The following UBAP2 variants were observed in gnomAD, a reference collection of about 807,000 sequenced individuals.
UBAP2 encodes ubiquitin associated protein 2, also known as ubiquitin-associated protein 2.
A neutral mutation model predicts 139.6 loss-of-function variants in UBAP2; 75 were observed. That is an observed-to-expected ratio of 0.54 (90% confidence interval 0.45 to 0.65). The LOEUF (loss-of-function observed/expected upper bound fraction) is 0.65. UBAP2 is among the 30% of genes least tolerant of loss of function. The pLI, the probability that UBAP2 is intolerant of heterozygous loss-of-function variation, is 0.00. For synonymous variants in UBAP2, 526 were observed against 526.2 expected (o/e 1.00, Z 0.01); for missense variants, 1,368 against 1,369.6 (o/e 1.00, Z 0.02).
At chr9:33,963,578 T>G (rs1827232488) in intron 9 of UBAP2, 148 bp downstream of exon 9, 1 of 516,568 alleles carries the variant, frequency 1.9e-6, no homozygotes, top group Non-Finnish European at 3.4e-6. Flanking sequence ...ATTAGCAAAC[T>G]GCAAATCTGA....
Position 34,017,197 on chromosome 9 carries a change from A to C in UBAP2, c.-41-8T>G. Reference sequence around the variant, plus strand: ...ATGTACAAAATAGAAAATCTGCAAGAAAGTAGGGATGGTAAGCAAAACAAT... The same window carrying C: ...ATGTACAAAATAGAAAATCTGCAAGCAAGTAGGGATGGTAAGCAAAACAAT... On this transcript the variant is annotated splice_polypyrimidine_tract_variant and splice_region_variant and intron_variant, in intron 1 of 28. Coordinates refer to ENST00000379238, the MANE Select transcript of UBAP2 (RefSeq NM_001370062.2). The C allele has an allele frequency of 7.4e-7, 1 of 1,344,110 alleles. No homozygotes were observed. The highest frequency in any genetic ancestry group is 1.0e-6 in the Non-Finnish European group (1 of 984,188). 83.3% of individuals were successfully genotyped at this position (1,344,110 alleles called of 1,614,324 possible).
chr9:34,026,501 G>A (rs1825411431), intron 1 of UBAP2, among the ~76,000 whole-genome samples: 1 of 152,172 alleles, frequency 6.6e-6, no homozygotes, highest in Admixed American at 6.6e-5. Context: ...CAGAGATGCT[G>A]TTCACTGAGT....
chr9:33,940,015 G>T (rs1007841033), intron 16 of UBAP2, among the ~76,000 whole-genome samples: 6 of 146,096 alleles, frequency 4.1e-5, no homozygotes, highest in African/African-American at 1.5e-4. Context: ...GAAAGAGGAG[G>T]GGGAGGGAGA....
chr9:33,997,812 T>G (rs1300197137), intron 3 of UBAP2: 1 of 152,196 alleles, frequency 6.6e-6, no homozygotes, highest in African/African-American at 2.4e-5. Context: ...TCAAACTGTA[T>G]GAAGATCTCA....
At chr9:33,953,175 T>C in intron 12 of UBAP2, 110 bp downstream of exon 12, 1 of 1,104,216 alleles carries the variant, frequency 9.1e-7, no homozygotes, top group Non-Finnish European at 1.3e-6. Context: ...GGCCTTACTG[T>C]AGATATTTTT....
At chr9:33,997,018 G>A (rs1434052671) in intron 3 of UBAP2, 1 of 152,182 alleles carries the variant, frequency 6.6e-6, no homozygotes, top group Admixed American at 6.5e-5. Flanking sequence ...AGGAGACAGA[G>A]CGAGACCCTG....
intron 2 of UBAP2, among the ~76,000 whole-genome samples, chr9:34,009,107 G>GTTTT (rs199657011): frequency 1.5e-5 from 2 of 136,928 alleles, no homozygotes; most frequent in Admixed American, 7.3e-5. Flanking sequence ...GTTTTGTTTT[G>GTTTT]TTTTTTTTTT....
At chr9:33,968,172 T>G (rs766843187) in intron 8 of UBAP2, 2 of 605,142 alleles carry the variant, frequency 3.3e-6, no homozygotes, top group African/African-American at 3.7e-5. Context: ...AGAAGAAATC[T>G]ACTGGGTTTT....
intron 1 of UBAP2, among the ~76,000 whole-genome samples, chr9:34,030,599 A>G (rs1825809971): frequency 6.6e-6 from 1 of 151,582 alleles, no homozygotes; most frequent in African/African-American, 2.4e-5. Context: ...CTCCTAGTAC[A>G]GTGCCCAAGA....
Position 34,029,786 on chromosome 9 carries a change from G to C in UBAP2, c.-41-12597C>G, listed in dbSNP as rs139743293. On this transcript the variant is annotated intron_variant, in intron 1 of 28. Transcript: ENST00000379238. ...AGGTGGATCATGAGATCAGGAGTTC[G>C]AGATCAGCCTGGCCAACATGGTGAA... Among the ~76,000 whole-genome samples the C allele has an allele frequency of 3.0e-3, 447 of 150,078 alleles. 2 individuals carry two copies. Among genetic ancestry groups the C allele is most frequent in the African/African-American group, 0.01 (409 of 40,866 alleles).
intron 1 of UBAP2, among the ~76,000 whole-genome samples, chr9:34,041,870 CAA>C (rs1409292670): frequency 6.7e-6 from 1 of 149,970 alleles, no homozygotes; most frequent in Non-Finnish European, 1.5e-5. Flanking sequence ...CCAAAAAATA[CAA>C]AAATTAGCCA....
At position 33,927,738 on chromosome 9, in the gene UBAP2, C is replaced by T. The variant is rs894708633; in HGVS notation, c.2371+59G>A. The T allele has an allele frequency of 4.6e-6, 7 of 1,526,174 alleles. No homozygotes were observed. In the African/African-American group the frequency reaches 9.7e-5, roughly 21 times the overall value. 94.5% of individuals were successfully genotyped at this position (1,526,174 alleles called of 1,614,324 possible). ...ACACCTGCACTGCCTTCCTGGGACG[C>T]CAAGCAGGCACCTTTGAGGGGCTCA... On this transcript the variant is annotated intron_variant, in intron 20 of 28. Transcript: ENST00000379238.
chr9:34,048,375 A>G (rs889596997), intron 1 of UBAP2, among the ~76,000 whole-genome samples: 12 of 152,210 alleles, frequency 7.9e-5, no homozygotes, highest in African/African-American at 1.7e-4. Context: ...TAGAGAGCGC[A>G]TAAGTTGGGG....
intron 5 of UBAP2, among the ~76,000 whole-genome samples, chr9:33,987,043 T>C (rs1455223432): frequency 6.6e-6 from 1 of 152,098 alleles, no homozygotes; most frequent in Non-Finnish European, 1.5e-5. Context: ...ATTCCAGCAC[T>C]TGTAATTTCC....
chr9:34,025,547 A>G (rs1825332374), intron 1 of UBAP2, among the ~76,000 whole-genome samples: 2 of 152,186 alleles, frequency 1.3e-5, no homozygotes, highest in Admixed American at 6.6e-5. Flanking sequence ...TACATTTTTA[A>G]CTTCTTTAGA....
chr9:33,944,273 G>A, intron 14 of UBAP2, 92 bp downstream of exon 14: 17 of 1,510,996 alleles, frequency 1.1e-5, no homozygotes, highest in Non-Finnish European at 1.5e-5. Context: ...GAAAAACACT[G>A]TACCCCAGTT....
rs141917867 is a variant in UBAP2, at chr9:33,922,765, T to G, written c.3186A>C (p.Pro1062=). 9 of 1,559,048 alleles carry G rather than the reference T, an allele frequency of 5.8e-6. No individual in the cohort carries two copies. The highest frequency in any genetic ancestry group is 1.4e-5 in the African/African-American group (1 of 73,166). The stretch of plus-strand genomic sequence containing the variant: ...GGGCTGGCAAGATGTGTAGGAATGG[T>G]GGGGGTGCATAGCCAGGGGCCGCTC... ...ASGAAPGYAP[P]PFLHILPAHQ... is the part of the protein sequence containing the mutation. The change falls in exon 28 of 29, where the codon CCA becomes CCC. Residue 1062 remains proline, a synonymous_variant. Transcript: ENST00000379238.
chr9:34,007,590 A>C (rs1823335386), intron 2 of UBAP2, among the ~76,000 whole-genome samples: 1 of 150,162 alleles, frequency 6.7e-6, no homozygotes, highest in Admixed American at 6.6e-5. Flanking sequence ...TTTCACATAC[A>C]TTTTTCAGCG....
At chr9:34,016,562 A>ATT in intron 2 of UBAP2, among the ~76,000 whole-genome samples, 1 of 143,924 alleles carries the variant, frequency 6.9e-6, no homozygotes, top group Non-Finnish European at 1.5e-5. Context: ...TATTTATTTT[A>ATT]TTTTTTTTTT....
Sources: allele counts gnomAD v4.1 joint callset (sites outside exome capture counted in the v4.1 genomes callset), GRCh38; gene constraint gnomAD v4.1.1; transcripts MANE v1.5; gene names NCBI Gene and HGNC (gene_info 2026-07-23, HGNC 2026-07-21).